Variants in DUXA observed in about 807,000 individuals in gnomAD.
DUXA encodes double homeobox protein A.
In DUXA, 25 loss-of-function variants were observed where a neutral mutation model predicts 27.5. The ratio of observed to expected loss-of-function variants is 0.91; its 90% CI spans 0.66 to 1.27. DUXA has a LOEUF of 1.27. DUXA is among the 50% of genes most tolerant of loss of function. DUXA has a pLI of 0.00. For missense variants in DUXA, 247 were observed against 242.9 expected, an observed-to-expected ratio of 1.02 and a Z score of -0.11; for synonymous variants, 90 against 80.5, an observed-to-expected ratio of 1.12 and a Z score of -0.63.
intron 1 of DUXA, among the ~76,000 whole-genome samples, chr19:57,164,829 G>C (rs754554182): frequency 2.0e-5 from 3 of 152,098 alleles, no homozygotes; most frequent in African/African-American, 4.8e-5. Flanking sequence ...GTGTAATCAA[G>C]GGTTAAAGTT....
In DUXA at chr19:57,159,159, T is replaced by C. The variant is rs1015917015; in HGVS notation, c.292+8A>G. 1.2e-6 allele frequency: 2 copies of C among 1,610,514 alleles called. No individual in the cohort carries two copies. The highest frequency in any genetic ancestry group is 2.7e-5 in the African/African-American group (2 of 74,750). On this transcript the variant is annotated splice_region_variant and intron_variant, in intron 3 of 5. Coordinates refer to ENST00000554048, the MANE Select transcript of DUXA (RefSeq NM_001012729.2). The stretch of plus-strand genomic sequence containing the variant: ...CTGCTGGGGAACAGAACTAAGAGGG[T>C]TATTTACTTTGAAACTCCACACCAG...
chr19:57,154,698 G>C (rs556300369), intron 5 of DUXA, among the ~76,000 whole-genome samples: 2 of 152,102 alleles, frequency 1.3e-5, no homozygotes, highest in East Asian at 1.9e-4. Flanking sequence ...CGAGTAGCTG[G>C]GACTACAGGC....
intron 1 of DUXA, among the ~76,000 whole-genome samples, chr19:57,166,555 A>G (rs969244420): frequency 1.3e-5 from 2 of 152,112 alleles, no homozygotes; most frequent in African/African-American, 2.4e-5. Flanking sequence ...TGATCTGCCC[A>G]CCGCGGCCTC....
rs958200676 is a variant in DUXA, at chr19:57,155,311, G to T, written c.500C>A (p.Ser167Tyr). 3 of 1,614,224 alleles carry T rather than the reference G, an allele frequency of 1.9e-6. No homozygotes were observed. The Admixed American group carries it at 5.0e-5, about 27-fold the overall frequency. ...CTTGCCCTGCTCTTCTTGTTCTAAG[G>T]ACGCCACAGGTTCCCTTTTTCTCTG... ...LLQRKREPVASLEQEEQGKIP... is the reference protein window; with the variant it reads ...LLQRKREPVAYLEQEEQGKIP... The change falls in exon 5 of 6, where the codon TCC becomes TAC. Residue 167 changes from serine to tyrosine, a missense_variant. Coordinates refer to ENST00000554048, the MANE Select transcript of DUXA (RefSeq NM_001012729.2).
intron 1 of DUXA, among the ~76,000 whole-genome samples, chr19:57,162,773 A>G (rs2087031005): frequency 6.6e-6 from 1 of 151,962 alleles, no homozygotes; most frequent in Non-Finnish European, 1.5e-5. Flanking sequence ...ACAGGGTTTC[A>G]CCACGTTGGC....
intron 5 of DUXA, 63 bp downstream of exon 5, chr19:57,155,204 A>T: frequency 6.9e-7 from 1 of 1,459,228 alleles, no homozygotes; most frequent in African/African-American, 1.4e-5. Context: ...CTCCACCATG[A>T]CGAAGCACTG....
chr19:57,165,309 GAAAAA>G lies in DUXA; in HGVS notation c.25+2105_25+2109del, dbSNP rs71186231. Among the ~76,000 whole-genome samples, 306 of 116,396 alleles carry G rather than the reference GAAAAA, an allele frequency of 2.6e-3. 2 individuals carry two copies. The highest frequency in any genetic ancestry group is 9.1e-3 in the African/African-American group (282 of 31,086). 76.4% of individuals were successfully genotyped at this position (116,396 alleles called of 152,430 possible). ...CTCAACTTCTACATTTCTGGAGTAG[GAAAAA>G]AAAAAAAAAAATATATATATATATA... On this transcript the variant is annotated intron_variant, in intron 1 of 5. Coordinates refer to ENST00000554048, the MANE Select transcript of DUXA (RefSeq NM_001012729.2).
chr19:57,156,430 C>T (rs1404730297), intron 4 of DUXA, among the ~76,000 whole-genome samples: 1 of 152,212 alleles, frequency 6.6e-6, no homozygotes, highest in Non-Finnish European at 1.5e-5. Context: ...GAGACAAAAT[C>T]TCACTCTATC....
intron 3 of DUXA, among the ~76,000 whole-genome samples, chr19:57,158,915 C>T (rs2087006194): frequency 6.6e-6 from 1 of 152,004 alleles, no homozygotes; most frequent in African/African-American, 2.4e-5. Context: ...ACCTGGGAGG[C>T]AGAGGTTGTA....
At chr19:57,158,682 TAGAA>T (rs1468636409) in intron 3 of DUXA, among the ~76,000 whole-genome samples, 2 of 151,800 alleles carry the variant, frequency 1.3e-5, no homozygotes, top group African/African-American at 4.8e-5. Flanking sequence ...TGGACTCCAG[TAGAA>T]AGAAAGTAGG....
intron 2 of DUXA, among the ~76,000 whole-genome samples, chr19:57,160,384 T>C (rs928494214): frequency 2.0e-5 from 3 of 152,250 alleles, no homozygotes; most frequent in Non-Finnish European, 4.4e-5. Context: ...AATTATTACA[T>C]GTTTAAAAGC....
intron 1 of DUXA, among the ~76,000 whole-genome samples, chr19:57,162,766 G>C (rs975266444): frequency 6.6e-6 from 1 of 152,080 alleles, no homozygotes; most frequent in Non-Finnish European, 1.5e-5. Flanking sequence ...AGTAGAGACA[G>C]GGTTTCACCA....
rs550716662 is a variant in DUXA at position 57,161,486 on chromosome 19, A to G, written c.26-689T>C. 8.5e-3 allele frequency among the ~76,000 whole-genome samples: 1,227 copies of G among 144,426 alleles called. 43 individuals carry two copies. The highest frequency in any genetic ancestry group is 0.025 in the African/African-American group (892 of 35,946). The allele number at this position is 144,426 out of a possible 152,430, so 94.7% of individuals were successfully genotyped here. A position where few individuals can be genotyped will look rare whatever the true frequency, so the allele number is the denominator to read the frequency against. ...AAAATACAAAAAATTAGCCGGGCGC[A>G]GTGGCGGGCACCTGTAGTCCCAGCT... is the stretch of plus-strand genomic sequence containing the variant. On this transcript the variant is annotated intron_variant, in intron 1 of 5. Coordinates refer to ENST00000554048, the MANE Select transcript of DUXA (RefSeq NM_001012729.2).
chr19:57,161,601 T>C lies in DUXA; in HGVS notation c.26-804A>G, dbSNP rs554005195. 4.9e-3 allele frequency among the ~76,000 whole-genome samples: 732 copies of C among 150,486 alleles called. 6 individuals carry two copies. The highest frequency in any genetic ancestry group is 0.016 in the African/African-American group (634 of 40,820). On this transcript the variant is annotated intron_variant, in intron 1 of 5. Transcript: ENST00000554048. ...TTGCGCCACTGCACTCCAGCCTGGG[T>C]GACAGAGCGAGACTCCGTCTCAAAA... is the stretch of plus-strand genomic sequence containing the variant.
chr19:57,159,114 G>A, intron 3 of DUXA, 53 bp downstream of exon 3: 1 of 1,498,090 alleles, frequency 6.7e-7, no homozygotes, highest in Non-Finnish European at 9.1e-7. Flanking sequence ...AGTCGCAGTT[G>A]GCTCCGCCGT....
Position 57,154,151 on chromosome 19 carries a change from A to T in DUXA, c.*261T>A. 2.7e-6 allele frequency: 1 copy of T among 367,556 alleles called. No individual in the cohort carries two copies. Among genetic ancestry groups the T allele is most frequent in the African/African-American group, 2.1e-5 (1 of 47,524 alleles). The allele number at this position is 367,556 out of a possible 1,614,324, so 22.8% of individuals were successfully genotyped here. A position where few individuals can be genotyped will look rare whatever the true frequency, so the allele number is the denominator to read the frequency against. On this transcript the variant is annotated 3_prime_UTR_variant, in exon 6 of 6. Coordinates refer to ENST00000554048, the MANE Select transcript of DUXA (RefSeq NM_001012729.2). ...CTGCCTCCTACAGTCCTTTTCATTT[A>T]TTTTGTTTTTTTATAATAGAGGCAG... is the stretch of plus-strand genomic sequence containing the variant.
intron 1 of DUXA, 46 bp from the exon 2 acceptor site, chr19:57,160,843 T>A (rs189972936): frequency 6.2e-7 from 1 of 1,602,212 alleles, no homozygotes; most frequent in African/African-American, 1.3e-5. Context: ...GGTTAATTTA[T>A]ATACTCAAAC....
At chr19:57,166,587 C>A (rs1165469839) in intron 1 of DUXA, among the ~76,000 whole-genome samples, 1 of 152,182 alleles carries the variant, frequency 6.6e-6, no homozygotes, top group Non-Finnish European at 1.5e-5. Flanking sequence ...GGATTACAGG[C>A]GTGAGCCACG....
intron 1 of DUXA, among the ~76,000 whole-genome samples, chr19:57,161,986 G>A (rs1030220417): frequency 6.6e-6 from 1 of 152,038 alleles, no homozygotes; most frequent in Non-Finnish European, 1.5e-5. Context: ...ACCTCCACAG[G>A]CTCAGGTGAT....
Sources: allele counts gnomAD v4.1 joint callset (sites outside exome capture counted in the v4.1 genomes callset), GRCh38; gene constraint gnomAD v4.1.1; transcripts MANE v1.5; gene names NCBI Gene and HGNC (gene_info 2026-07-23, HGNC 2026-07-21).